TENM3: variants seen among roughly 807,000 people sequenced by gnomAD.
The protein encoded by TENM3 is teneurin transmembrane protein 3, also known as teneurin-3.
A neutral mutation model predicts 255.1 loss-of-function variants in TENM3; 63 were observed. The observed-to-expected ratio is 0.25, with a 90% confidence interval of 0.20 to 0.30. TENM3 has a LOEUF of 0.30. Ranked by LOEUF, TENM3 falls within the 10% of genes least tolerant of loss-of-function variation. TENM3 has a pLI of 1.00. For synonymous variants in TENM3, 1,306 were observed against 1,322.3 expected, an observed-to-expected ratio of 0.99 and a Z score of 0.27; for missense variants, 2,929 against 3,461.1, an observed-to-expected ratio of 0.85 and a Z score of 3.86.
chr4:182,102,401 T>C, the TENM3 span, among the ~76,000 whole-genome samples: 2 of 152,200 alleles, frequency 1.3e-5, no homozygotes, highest in Admixed American at 6.5e-5. Context: ...GCTAGACTTG[T>C]TCAATTGATC....
At chr4:182,503,884 C>A (rs1405331220) in intron 3 of TENM3, among the ~76,000 whole-genome samples, 2 of 152,184 alleles carry the variant, frequency 1.3e-5, no homozygotes, top group Non-Finnish European at 2.9e-5. Flanking sequence ...ATATCACCAT[C>A]TCTGTGATGC....
intron 19 of TENM3, among the ~76,000 whole-genome samples, chr4:182,746,961 T>C (rs1262499882): frequency 6.6e-6 from 1 of 152,234 alleles, no homozygotes; most frequent in African/African-American, 2.4e-5. Flanking sequence ...TGGAACTTCT[T>C]CTTTTAGCTT....
chr4:181,826,110 T>G, the TENM3 span, among the ~76,000 whole-genome samples: 1 of 152,358 alleles, frequency 6.6e-6, no homozygotes, highest in South Asian at 2.1e-4. Context: ...GTTTATTTTG[T>G]AAATAACTAT....
chr4:181,685,173 A>C, the TENM3 span, among the ~76,000 whole-genome samples: 1 of 152,086 alleles, frequency 6.6e-6, no homozygotes, highest in Non-Finnish European at 1.5e-5. Flanking sequence ...CTACTCTTCA[A>C]TGTTTGGTAG....
the TENM3 span, among the ~76,000 whole-genome samples, chr4:181,959,375 C>T: frequency 2.0e-5 from 3 of 152,272 alleles, no homozygotes; most frequent in South Asian, 2.1e-4. Context: ...TGGATAACCA[C>T]GTAGCTCCAG....
At chr4:182,142,736 A>C (rs1210625854), upstream of TENM3, 1 of 164,766 alleles carries the variant, frequency 6.1e-6, no homozygotes, top group Non-Finnish European at 1.5e-5. Context: ...CTAGCCCTCC[A>C]CGGGCAGACT....
At chr4:181,824,537 T>TA in the TENM3 span, among the ~76,000 whole-genome samples, 4 of 152,124 alleles carry the variant, frequency 2.6e-5, no homozygotes, top group Non-Finnish European at 5.9e-5. Flanking sequence ...TGTCCACGTC[T>TA]AAAACCAGAA....
At chr4:182,623,393 C>G (rs1345621835) in intron 4 of TENM3, among the ~76,000 whole-genome samples, 1 of 150,438 alleles carries the variant, frequency 6.6e-6, no homozygotes, top group Non-Finnish European at 1.5e-5. Flanking sequence ...ACCTCCATCT[C>G]CTGGGTTCAA....
chr4:182,217,613 C>T (rs972883965), intron 1 of TENM3, among the ~76,000 whole-genome samples: 1 of 152,220 alleles, frequency 6.6e-6, no homozygotes. Context: ...TAACATTATA[C>T]CCATTTTACA....
the TENM3 span, among the ~76,000 whole-genome samples, chr4:181,901,926 C>T: frequency 1.3e-5 from 2 of 151,990 alleles, no homozygotes; most frequent in African/African-American, 4.8e-5. Flanking sequence ...AGTTCTTTTT[C>T]CCCTCTTCTG....
rs1752771964 is a variant in TENM3 at position 182,180,485 on chromosome 4, A to G, written c.-76+35731A>G. 2.6e-5 allele frequency among the ~76,000 whole-genome samples: 4 copies of G among 152,192 alleles called. No individual in the cohort carries two copies. The South Asian group carries it at 8.3e-4, about 32-fold the overall frequency. On this transcript the variant is annotated intron_variant, in intron 1 of 2. Coordinates refer to the TENM3 transcript ENST00000512480. The stretch of plus-strand genomic sequence containing the variant: ...TACCTTCATAGCATCTGGTGATGTT[A>G]TATAGTAAAGAGAGTAGTATTTTTT...
intron 3 of TENM3, among the ~76,000 whole-genome samples, chr4:182,449,310 CTGAG>C (rs1773256817): frequency 6.6e-6 from 1 of 150,524 alleles, no homozygotes; most frequent in Non-Finnish European, 1.5e-5. Flanking sequence ...ACATTCGCAT[CTGAG>C]ATGAGGTGGC....
At chr4:182,634,594 C>T (rs564953741) in intron 5 of TENM3, among the ~76,000 whole-genome samples, 1 of 151,704 alleles carries the variant, frequency 6.6e-6, no homozygotes, top group East Asian at 1.9e-4. Context: ...TGATTTCTAA[C>T]CACAAATGTT....
At chr4:181,888,520 A>ATATATATATATATATATATATG in the TENM3 span, among the ~76,000 whole-genome samples, 1 of 92,210 alleles carries the variant, frequency 1.1e-5, no homozygotes, top group African/African-American at 5.4e-5. Flanking sequence ...ATATATGTAT[A>ATATATATATATATATATATATG]TATATACATA....
intron 3 of TENM3, among the ~76,000 whole-genome samples, chr4:182,541,829 TAGG>T (rs1740908143): frequency 6.6e-6 from 1 of 151,904 alleles, no homozygotes; most frequent in Admixed American, 6.6e-5. Context: ...GAGGCTGAAG[TAGG>T]AGGATTGCTT....
At chr4:182,528,557 T>G (rs1739461371) in intron 3 of TENM3, among the ~76,000 whole-genome samples, 1 of 152,186 alleles carries the variant, frequency 6.6e-6, no homozygotes, top group African/African-American at 2.4e-5. Flanking sequence ...TAAACCAAAA[T>G]CTGAGAACAA....
At chr4:182,643,279 A>G (rs1167759904) in intron 5 of TENM3, among the ~76,000 whole-genome samples, 1 of 152,332 alleles carries the variant, frequency 6.6e-6, no homozygotes, top group East Asian at 1.9e-4. Flanking sequence ...ATAAAATGAA[A>G]CAATTCTGCA....
the TENM3 span, among the ~76,000 whole-genome samples, chr4:181,966,013 A>C: frequency 6.6e-6 from 1 of 152,246 alleles, no homozygotes; most frequent in East Asian, 1.9e-4. Flanking sequence ...TAGGGATGAC[A>C]AAATAGTGAC....
the TENM3 span, among the ~76,000 whole-genome samples, chr4:181,579,296 A>T: frequency 1.2e-4 from 18 of 151,820 alleles, no homozygotes; most frequent in Non-Finnish European, 2.5e-4. Context: ...ACACCTCCTA[A>T]CCACTCCCCC....
Sources: allele counts gnomAD v4.1 joint callset (sites outside exome capture counted in the v4.1 genomes callset), GRCh38; gene constraint gnomAD v4.1.1; transcripts MANE v1.5; gene names NCBI Gene and HGNC (gene_info 2026-07-23, HGNC 2026-07-21).